The following CCDC81 variants were observed in gnomAD, a reference collection of about 807,000 sequenced individuals.
CCDC81 encodes coiled-coil domain containing 81, also known as coiled-coil domain-containing protein 81.
In CCDC81, 79 loss-of-function variants were observed where a neutral mutation model predicts 83.7. That is an observed-to-expected ratio of 0.94 (90% CI 0.79 to 1.14). CCDC81 has a LOEUF of 1.14. Among genes scored for constraint, CCDC81 ranks in the 50% most tolerant of loss-of-function variants. The pLI is 0.00. For synonymous variants in CCDC81, 252 were observed against 278.1 expected, an observed-to-expected ratio of 0.91 and a Z score of 0.93; for missense variants, 791 against 778.1, an observed-to-expected ratio of 1.02 and a Z score of -0.20.
At chr11:86,414,963 T>G (rs1414731836) in intron 12 of CCDC81, 96 bp downstream of exon 12, 1 of 1,402,292 alleles carries the variant, frequency 7.1e-7, no homozygotes, top group African/African-American at 1.4e-5. Context: ...TTATGTGTTA[T>G]GCATTTGGTA....
rs1345702705 is a variant in CCDC81, at chr11:86,387,631, T to G, written c.257T>G (p.Val86Gly). Reference protein sequence around the residue: ...RPVFIMVEKLVQIHGLKQNKV... With the variant: ...RPVFIMVEKLGQIHGLKQNKV... ...GTGTTTATCATGGTGGAGAAGCTAG[T>G]GCAGATTCATGGACTCAAACAAAAC... Residue 86 changes from valine (V) to glycine (G), a missense_variant, in exon 3 of 15, where the codon GTG (valine) becomes GGG (glycine). Coordinates refer to ENST00000445632, the MANE Select transcript of CCDC81 (RefSeq NM_001156474.2). 1 of 1,610,104 alleles carries G rather than the reference T, an allele frequency of 6.2e-7. No homozygotes were observed. The highest frequency in any genetic ancestry group is 1.3e-5 in the African/African-American group (1 of 74,782).
chr11:86,381,034 C>T (rs1948170329), intron 1 of CCDC81, among the ~76,000 whole-genome samples: 2 of 150,728 alleles, frequency 1.3e-5, no homozygotes, highest in South Asian at 2.1e-4. Flanking sequence ...AAAGTAACTG[C>T]TATAAATAGG....
intron 13 of CCDC81, among the ~76,000 whole-genome samples, chr11:86,416,908 T>C (rs1449045242): frequency 6.6e-6 from 1 of 152,108 alleles, no homozygotes; most frequent in Non-Finnish European, 1.5e-5. Context: ...TTCTTTTTGC[T>C]CTTATTTTCA....
intron 5 of CCDC81, among the ~76,000 whole-genome samples, chr11:86,395,706 G>T (rs927405575): frequency 6.6e-6 from 1 of 152,064 alleles, no homozygotes; most frequent in Non-Finnish European, 1.5e-5. Flanking sequence ...CTGCAACCTC[G>T]GTCTCCTGGG....
At chr11:86,395,541 C>A in intron 5 of CCDC81, 128 bp downstream of exon 5, 2 of 664,216 alleles carry the variant, frequency 3.0e-6, no homozygotes, top group Non-Finnish European at 2.6e-6. Flanking sequence ...CTGTCTCTCC[C>A]TCTCTAAATC....
At chr11:86,394,944 C>T (rs1381935133) in intron 4 of CCDC81, among the ~76,000 whole-genome samples, 4 of 152,168 alleles carry the variant, frequency 2.6e-5, no homozygotes, top group African/African-American at 4.8e-5. Context: ...CCACCTGACT[C>T]GAAAGCTTTT....
rs151280017 is a variant in CCDC81 at position 86,408,151 on chromosome 11, C to T, written c.994C>T (p.Arg332Ter). 3.4e-5 allele frequency: 55 copies of T among 1,612,740 alleles called. No individual in the cohort carries two copies. The highest frequency in any genetic ancestry group is 5.3e-5 in the African/African-American group (4 of 74,790). Residue 332 changes from arginine (R) to a stop codon, truncating the protein, a stop_gained, in exon 9 of 15, where the codon CGA becomes TGA. Transcript: ENST00000445632. LOFTEE classifies it high-confidence loss of function. ...GGAAATGTGCTATGTATGTTTGCAA[C>T]GAGCACAACGAAATTCCCTGTTGTA... ...GQEMCYVCLQ[R>*]AQRNSLLYYS...
intron 13 of CCDC81, among the ~76,000 whole-genome samples, chr11:86,415,818 C>T (rs1201444104): frequency 6.6e-6 from 1 of 152,098 alleles, no homozygotes; most frequent in African/African-American, 2.4e-5. Context: ...GGACTATAGG[C>T]GAGTGCCAGC....
chr11:86,422,556 T>C lies in CCDC81; in HGVS notation c.1818-18T>C. ...ACTCCAGGAACCTGCTGATCGGCAT[T>C]TGCTCTCCTCTCCTCAGGGCTTCAG... On this transcript the variant is annotated intron_variant, in intron 14 of 14. Coordinates refer to ENST00000445632, the MANE Select transcript of CCDC81 (RefSeq NM_001156474.2). 1 of 1,605,382 alleles carries C rather than the reference T, an allele frequency of 6.2e-7. No homozygotes were observed.
At position 86,392,508 on chromosome 11, in the gene CCDC81, T is replaced by C. The variant is rs1948345436; in HGVS notation, c.299-33T>C. The C allele has an allele frequency of 3.2e-6, 5 of 1,543,378 alleles. No individual in the cohort carries two copies. The East Asian group carries it at 1.2e-4, about 38-fold the overall frequency. On this transcript the variant is annotated intron_variant, in intron 3 of 14. Coordinates refer to ENST00000445632, the MANE Select transcript of CCDC81 (RefSeq NM_001156474.2). Reference sequence around the variant, plus strand: ...TGTCCTTATGGTAATCACCACTTTCTTTCTCCCACCCCAACTGTCTTTTCT... The same window carrying C: ...TGTCCTTATGGTAATCACCACTTTCCTTCTCCCACCCCAACTGTCTTTTCT...
chr11:86,390,298 C>T (rs1170530646), intron 3 of CCDC81, among the ~76,000 whole-genome samples: 1 of 152,004 alleles, frequency 6.6e-6, no homozygotes, highest in African/African-American at 2.4e-5. Flanking sequence ...ATTTCAGGAA[C>T]AATATGAACA....
chr11:86,377,002 T>C (rs1948107108), intron 1 of CCDC81, among the ~76,000 whole-genome samples: 1 of 152,232 alleles, frequency 6.6e-6, no homozygotes, highest in African/African-American at 2.4e-5. Context: ...TCTTCATAGT[T>C]TTGCCAGTTC....
At chr11:86,407,274 T>C (rs1948577193) in intron 7 of CCDC81, among the ~76,000 whole-genome samples, 1 of 152,218 alleles carries the variant, frequency 6.6e-6, no homozygotes, top group African/African-American at 2.4e-5. Context: ...TCATTGCTTC[T>C]CCTGTGCTTA....
chr11:86,375,590 G>C lies in CCDC81; in HGVS notation c.79+348G>C, dbSNP rs529395340. 5.3e-5 allele frequency among the ~76,000 whole-genome samples: 8 copies of C among 152,142 alleles called. No homozygotes were observed. The South Asian group carries it at 1.7e-3, about 32-fold the overall frequency. On this transcript the variant is annotated intron_variant, in intron 1 of 14. Coordinates refer to ENST00000445632, the MANE Select transcript of CCDC81 (RefSeq NM_001156474.2). The stretch of plus-strand genomic sequence containing the variant: ...GCCTACCTAGAGAAAAGAGATGCAG[G>C]GACCCTAAATGGCTCCTTTTGAGAG...
intron 11 of CCDC81, chr11:86,414,565 C>T (rs1948689180): frequency 2.2e-6 from 1 of 462,992 alleles, no homozygotes; most frequent in African/African-American, 2.0e-5. Flanking sequence ...CTTCAGCCTC[C>T]CAAAGTGCTG....
At chr11:86,418,358 T>G (rs1040556827) in intron 13 of CCDC81, among the ~76,000 whole-genome samples, 1 of 152,232 alleles carries the variant, frequency 6.6e-6, no homozygotes, top group African/African-American at 2.4e-5. Context: ...CTTCTGGATA[T>G]GTATTCAAAA....
intron 7 of CCDC81, among the ~76,000 whole-genome samples, chr11:86,401,656 T>A (rs1218584678): frequency 1.3e-5 from 2 of 152,086 alleles, no homozygotes; most frequent in Non-Finnish European, 2.9e-5. Context: ...GATTCAGAGT[T>A]ACAGATGTAT....
intron 5 of CCDC81, 132 bp from the exon 6 acceptor site, chr11:86,397,489 C>A: frequency 9.7e-7 from 1 of 1,034,580 alleles, no homozygotes; most frequent in Non-Finnish European, 1.4e-6. Context: ...CACATCAGAG[C>A]ACTCACCCCT....
At chr11:86,386,192 A>C in intron 2 of CCDC81, 80 bp downstream of exon 2, 1 of 426,060 alleles carries the variant, frequency 2.3e-6, no homozygotes, top group South Asian at 7.1e-5. Flanking sequence ...TCCTTCCTTC[A>C]TAGTCTTATA....
Sources: allele counts gnomAD v4.1 joint callset (sites outside exome capture counted in the v4.1 genomes callset), GRCh38; gene constraint gnomAD v4.1.1; transcripts MANE v1.5; gene names NCBI Gene and HGNC (gene_info 2026-07-23, HGNC 2026-07-21).